EBF3: variants seen among roughly 807,000 people sequenced by gnomAD.
EBF3 encodes the protein EBF transcription factor 3.
EBF3 carries 18 observed loss-of-function variants against 77.1 expected under a neutral mutation model. The observed-to-expected ratio is 0.23, with a 90% CI of 0.16 to 0.35. The LOEUF (loss-of-function observed/expected upper bound fraction) is 0.35, where lower values mean the gene tolerates loss of function less well. Among genes scored for constraint, EBF3 ranks in the 10% least tolerant of loss-of-function variants. EBF3 has a pLI of 1.00. For synonymous variants in EBF3, 350 were observed against 343.5 expected (o/e 1.02, Z -0.21); for missense variants, 558 against 860.0 (o/e 0.65, Z 4.39).
intron 6 of EBF3, among the ~76,000 whole-genome samples, chr10:129,902,611 T>C (rs977602120): frequency 6.6e-6 from 1 of 152,142 alleles, no homozygotes; most frequent in Non-Finnish European, 1.5e-5. Flanking sequence ...ACCTTTCTTC[T>C]CTCTGCCACT....
intron 6 of EBF3, among the ~76,000 whole-genome samples, chr10:129,924,445 ACAAAAAAC>A (rs1362178669): frequency 2.1e-4 from 28 of 132,020 alleles, no homozygotes; most frequent in African/African-American, 5.7e-4. Context: ...AAAAAAAAAA[ACAAAAAAC>A]AAAAAACAGA....
In EBF3 at chr10:129,885,560, G is replaced by C. The variant is rs1853513960; in HGVS notation, c.555-7711C>G. On this transcript the variant is annotated intron_variant, in intron 6 of 16. Transcript: ENST00000440978. This position sits in a 1 kb window ranked among gnomAD's most constrained non-coding sequence, Gnocchi z 4.0. Reference sequence around the variant, plus strand: ...GCACTATATTTACACTAGGGTTCTTGTTTCAAGTGCCTATCTTTCTTTCCC... The same window carrying C: ...GCACTATATTTACACTAGGGTTCTTCTTTCAAGTGCCTATCTTTCTTTCCC... Among the ~76,000 whole-genome samples, 3 of 152,134 alleles carry C rather than the reference G, an allele frequency of 2.0e-5. No individual in the cohort carries two copies. In the East Asian group the frequency reaches 5.8e-4, roughly 29 times the overall value.
intron 5 of EBF3, among the ~76,000 whole-genome samples, chr10:129,958,058 TG>T (rs1425466770): frequency 6.6e-6 from 1 of 152,250 alleles, no homozygotes; most frequent in African/African-American, 2.4e-5. Flanking sequence ...GCGCTTTCTA[TG>T]TTAATTGCAG....
At chr10:129,961,555 T>A (rs1006491679) in intron 4 of EBF3, among the ~76,000 whole-genome samples, 3 of 152,172 alleles carry the variant, frequency 2.0e-5, no homozygotes, top group African/African-American at 7.2e-5. Flanking sequence ...TTACAAGGTA[T>A]GACAGAGGGT....
intron 4 of EBF3, among the ~76,000 whole-genome samples, chr10:129,961,450 C>T: frequency 6.6e-6 from 1 of 152,218 alleles, no homozygotes. Flanking sequence ...CTTTTCTCCA[C>T]TTAATCACAT....
chr10:129,842,249 G>A lies in EBF3; in HGVS notation c.1239C>T (p.Tyr413=). The A allele has an allele frequency of 1.2e-6, 2 of 1,612,898 alleles. No individual in the cohort carries two copies. Among genetic ancestry groups the A allele is most frequent in the East Asian group, 2.2e-5 (1 of 44,798 alleles). The part of the protein sequence containing the change: ...KRAADIAEAL[Y]SVPRNHNQIP... ...TCTGGTTGTGATTGCGGGGAACGCT[G>A]TACAGCGCCTCGGCGATGTCCGCCG... Residue 413 remains tyrosine, a synonymous_variant, in exon 13 of 17, where the codon TAC becomes TAT. Coordinates refer to ENST00000440978, the MANE Select transcript of EBF3 (RefSeq NM_001375380.1). This position sits in a 1 kb window ranked among gnomAD's most constrained non-coding sequence, Gnocchi z 4.4.
At chr10:129,843,297 G>T in intron 11 of EBF3, 95 bp from the exon 12 acceptor site, 1 of 1,338,534 alleles carries the variant, frequency 7.5e-7, no homozygotes, top group Non-Finnish European at 1.0e-6. Context: ...GTGGAGACCA[G>T]TCCCCACCCA....
In EBF3 at chr10:129,943,775, A is replaced by G. The variant is rs2134510499; in HGVS notation, c.554+13483T>C. On this transcript the variant is annotated intron_variant, in intron 6 of 16. Coordinates refer to ENST00000440978, the MANE Select transcript of EBF3 (RefSeq NM_001375380.1). This position sits in a 1 kb window ranked among gnomAD's most constrained non-coding sequence, Gnocchi z 8.8. Reference sequence around the variant, plus strand: ...CAATGAAAACAACACAGAAACAAAGATTCAGTCTCTTTAAGGTTTTTGGGC... The same window carrying G: ...CAATGAAAACAACACAGAAACAAAGGTTCAGTCTCTTTAAGGTTTTTGGGC... 6.6e-6 allele frequency among the ~76,000 whole-genome samples: 1 copy of G among 152,306 alleles called. No homozygotes were observed.
chr10:129,840,430 C>A lies in EBF3; in HGVS notation c.1574G>T (p.Ser525Ile), dbSNP rs982052126. The A allele has an allele frequency of 8.4e-6, 13 of 1,551,126 alleles. No individual in the cohort carries two copies. In the Admixed American group the frequency reaches 2.0e-4, roughly 23 times the overall value. Reference sequence around the variant, plus strand: ...GACCGAAGAGGCTGCCATGGTGGGGCTGGACGGCACTACTGCAACAAAGCA... The same window carrying A: ...GACCGAAGAGGCTGCCATGGTGGGGATGGACGGCACTACTGCAACAAAGCA... ...ANSPYGIVPSSPTMAASSVTL... is the reference protein window; with the variant it reads ...ANSPYGIVPSIPTMAASSVTL... Residue 525 changes from serine (S) to isoleucine (I), a missense_variant, in exon 15 of 17, where the codon AGC becomes ATC. Ser to Ile is a moderately radical substitution (Grantham distance 142). Transcript: ENST00000440978.
intron 6 of EBF3, among the ~76,000 whole-genome samples, chr10:129,887,280 TG>T (rs1853675766): frequency 1.3e-5 from 2 of 152,230 alleles, no homozygotes. Flanking sequence ...ACTATCTGTT[TG>T]AAGAGTATTC....
rs140667825 is a variant in EBF3, at chr10:129,837,930, C to T, written c.*13G>A. The T allele has an allele frequency of 1.5e-5, 24 of 1,614,188 alleles. No homozygotes were observed. The African/African-American group carries it at 2.3e-4, about 15-fold the overall frequency. ...CTGCGGAAGGTAAACAGAAGTCCCT[C>T]ACATTGGCGGGACTACCAGCCCAGA... is the stretch of plus-strand genomic sequence containing the variant. On this transcript the variant is annotated 3_prime_UTR_variant, in exon 17 of 17. Coordinates refer to ENST00000440978, the MANE Select transcript of EBF3 (RefSeq NM_001375380.1).
chr10:129,939,081 G>C (rs1188319640), intron 6 of EBF3, among the ~76,000 whole-genome samples: 1 of 152,218 alleles, frequency 6.6e-6, no homozygotes, highest in African/African-American at 2.4e-5. Context: ...CATTTCAGAA[G>C]CAAACAATCC....
In EBF3 at chr10:129,963,359, G is replaced by C. The variant is rs996993991; in HGVS notation, c.291+8C>G. 6.3e-7 allele frequency: 1 copy of C among 1,578,006 alleles called. No individual in the cohort carries two copies. The highest frequency in any genetic ancestry group is 8.6e-7 in the Non-Finnish European group (1 of 1,162,980). On this transcript the variant is annotated splice_region_variant and intron_variant, in intron 2 of 16. Coordinates refer to ENST00000440978, the MANE Select transcript of EBF3 (RefSeq NM_001375380.1). The surrounding 1 kb of genome is among the most constrained non-coding windows in gnomAD (Gnocchi z 7.1). The stretch of plus-strand genomic sequence containing the variant: ...AGAGAGAGGGTGTGATCGTGTGTTT[G>C]CACTTACTTTCTCTTTCTCCACAAA...
chr10:129,907,219 C>T (rs1305973173), intron 6 of EBF3, among the ~76,000 whole-genome samples: 1 of 152,234 alleles, frequency 6.6e-6, no homozygotes, highest in Non-Finnish European at 1.5e-5. Flanking sequence ...TTCAAAGGGA[C>T]CCGTTAACCA....
intron 6 of EBF3, among the ~76,000 whole-genome samples, chr10:129,898,096 T>C (rs1854520089): frequency 6.6e-6 from 1 of 152,260 alleles, no homozygotes; most frequent in Non-Finnish European, 1.5e-5. Context: ...TTTCTAGCTC[T>C]GCATGCATAA....
chr10:129,838,784 C>T lies in EBF3; in HGVS notation c.1872+299G>A, dbSNP rs534499017. Among the ~76,000 whole-genome samples the T allele has an allele frequency of 3.3e-5, 5 of 152,358 alleles. No individual in the cohort carries two copies. In the East Asian group the frequency reaches 5.8e-4, roughly 18 times the overall value. On this transcript the variant is annotated intron_variant, in intron 16 of 16. Transcript: ENST00000440978. ...ATTAATACATTTGTTCATGTAGTGA[C>T]GTGAGCTTCAATTTCTCAGTTCATT...
intron 10 of EBF3, among the ~76,000 whole-genome samples, chr10:129,849,659 C>T (rs1850720830): frequency 6.6e-6 from 1 of 152,100 alleles, no homozygotes; most frequent in Non-Finnish European, 1.5e-5. Context: ...ATAATGCGCC[C>T]GAAAGTTGAG....
Position 129,879,706 on chromosome 10 carries a change from AC to A in EBF3, c.555-1858del, listed in dbSNP as rs1853058250. Among the ~76,000 whole-genome samples the A allele has an allele frequency of 6.6e-6, 1 of 152,106 alleles. No individual in the cohort carries two copies. ...CATACAGTAAGTCACTTGATATTCC[AC>A]CCACCAATTTTTCCTAACAACCACT... On this transcript the variant is annotated intron_variant, in intron 6 of 16. Coordinates refer to ENST00000440978, the MANE Select transcript of EBF3 (RefSeq NM_001375380.1). The surrounding 1 kb of genome is among the most constrained non-coding windows in gnomAD (Gnocchi z 4.7).
intron 10 of EBF3, among the ~76,000 whole-genome samples, chr10:129,858,515 C>A (rs1307448006): frequency 5.3e-5 from 8 of 152,200 alleles, no homozygotes; most frequent in Non-Finnish European, 2.9e-5. Flanking sequence ...AGGAAAAACA[C>A]CAAGTGGGTC....
Sources: gnomAD v4.1 joint callset for allele counts (sites outside exome capture counted in the v4.1 genomes callset) on GRCh38, gnomAD v4.1.1 for gene constraint, Gnocchi (gnomAD v3.1) non-coding constraint, MANE v1.5 for transcripts, NCBI Gene and HGNC (gene_info 2026-07-23, HGNC 2026-07-21) for gene names.